The following DLG2 variants were observed in gnomAD, a reference collection of about 807,000 sequenced individuals.
DLG2 encodes the protein disks large homolog 2.
A neutral mutation model predicts 132.5 loss-of-function variants in DLG2; 45 were observed. The observed-to-expected ratio is 0.34, with a 90% CI of 0.27 to 0.44. DLG2 has a LOEUF of 0.44. DLG2 is among the 20% of genes least tolerant of loss of function. The pLI is 1.00. For missense variants in DLG2, 1,045 were observed against 1,196.9 expected (o/e 0.87, Z 1.87); for synonymous variants, 424 against 419.6 (o/e 1.01, Z -0.13).
At chr11:83,644,548 T>C (rs945942993) in intron 18 of DLG2, among the ~76,000 whole-genome samples, 10 of 152,120 alleles carry the variant, frequency 6.6e-5, no homozygotes, top group African/African-American at 2.4e-4. Context: ...ATGCTAAATG[T>C]GTTCCTATTT....
chr11:85,454,589 G>A (rs115929331), intron 3 of DLG2, among the ~76,000 whole-genome samples: 5,674 of 152,088 alleles, frequency 0.037, 323 homozygotes, highest in African/African-American at 0.13. Flanking sequence ...TGGCATCATT[G>A]TCATGAAATC....
intron 11 of DLG2, among the ~76,000 whole-genome samples, chr11:84,030,243 T>C (rs887572013): frequency 6.6e-6 from 1 of 152,156 alleles, no homozygotes; most frequent in African/African-American, 2.4e-5. Flanking sequence ...GACACTATTA[T>C]TACATTACTG....
intron 7 of DLG2, among the ~76,000 whole-genome samples, chr11:84,471,084 A>G (rs1292024478): frequency 7.2e-5 from 11 of 151,730 alleles, no homozygotes; most frequent in African/African-American, 2.7e-4. Context: ...CTCTTGGTCT[A>G]TTTCTCTTCA....
At chr11:85,289,235 A>G (rs1398691026) in intron 3 of DLG2, among the ~76,000 whole-genome samples, 1 of 152,086 alleles carries the variant, frequency 6.6e-6, no homozygotes, top group Non-Finnish European at 1.5e-5. Context: ...ATTGACATAT[A>G]TCCCCTTGTC....
At chr11:83,535,677 C>A (rs1406375166) in intron 20 of DLG2, among the ~76,000 whole-genome samples, 2 of 151,932 alleles carry the variant, frequency 1.3e-5, no homozygotes, top group Non-Finnish European at 2.9e-5. Context: ...AAAATTGAAG[C>A]CATATGGAGG....
At chr11:84,774,696 G>A (rs1044586810) in intron 6 of DLG2, among the ~76,000 whole-genome samples, 1 of 152,062 alleles carries the variant, frequency 6.6e-6, no homozygotes, top group African/African-American at 2.4e-5. Context: ...ATGGAGAGAG[G>A]ACTTTCTAGT....
chr11:84,829,697 C>T (rs1599100819), intron 6 of DLG2, among the ~76,000 whole-genome samples: 1 of 151,442 alleles, frequency 6.6e-6, no homozygotes, highest in Non-Finnish European at 1.5e-5. Flanking sequence ...TCAGAAGGGT[C>T]GAAGATAATG....
chr11:85,006,530 T>C (rs2058674898), intron 6 of DLG2, among the ~76,000 whole-genome samples: 1 of 152,188 alleles, frequency 6.6e-6, no homozygotes. Flanking sequence ...GTTTCTAGTA[T>C]TCTCTGATGG....
At chr11:85,531,676 C>T (rs1313531985) in intron 3 of DLG2, among the ~76,000 whole-genome samples, 1 of 152,106 alleles carries the variant, frequency 6.6e-6, no homozygotes, top group Admixed American at 6.5e-5. Flanking sequence ...GGCGTAGACA[C>T]CTGTGAAGGC....
chr11:84,270,178 C>T (rs1207792456), intron 7 of DLG2, among the ~76,000 whole-genome samples: 1 of 152,186 alleles, frequency 6.6e-6, no homozygotes, highest in Non-Finnish European at 1.5e-5. Flanking sequence ...TGTCCTTATG[C>T]CTCCAATGAT....
At chr11:83,922,412 T>A (rs1367164802) in intron 15 of DLG2, among the ~76,000 whole-genome samples, 1 of 152,106 alleles carries the variant, frequency 6.6e-6, no homozygotes, top group African/African-American at 2.4e-5. Flanking sequence ...AGTGACAGCG[T>A]TTGAAAAATA....
intron 3 of DLG2, among the ~76,000 whole-genome samples, chr11:85,541,400 A>G (rs1179531642): frequency 2.0e-5 from 3 of 151,804 alleles, no homozygotes; most frequent in Non-Finnish European, 4.4e-5. Context: ...CAATTTACTA[A>G]CTTTACAGGT....
intron 5 of DLG2, among the ~76,000 whole-genome samples, chr11:85,137,341 A>G (rs2076197761): frequency 6.6e-6 from 1 of 152,194 alleles, no homozygotes; most frequent in Non-Finnish European, 1.5e-5. Flanking sequence ...GGAAATAATT[A>G]TAATCCCTAT....
At chr11:84,447,092 T>C (rs2099037387) in intron 7 of DLG2, among the ~76,000 whole-genome samples, 1 of 151,724 alleles carries the variant, frequency 6.6e-6, no homozygotes, top group African/African-American at 2.4e-5. Flanking sequence ...AATCAACTAA[T>C]TAAAATGTTA....
At position 85,415,633 on chromosome 11, in the gene DLG2, T is replaced by C. The variant is rs1287902105; in HGVS notation, c.41-130268A>G. Among the ~76,000 whole-genome samples, 4 of 152,214 alleles carry C rather than the reference T, an allele frequency of 2.6e-5. 1 individual carries two copies. Among genetic ancestry groups the C allele is most frequent in the African/African-American group, 7.2e-5 (3 of 41,454 alleles). ...CAGTGTTGATGAGTTTTTTTTCATA[T>C]GTTTGCTGGCTGCTTAAATGTCTTC... On this transcript the variant is annotated intron_variant, in intron 3 of 27. Coordinates refer to ENST00000376104, the MANE Select transcript of DLG2 (RefSeq NM_001142699.3).
chr11:84,359,646 G>T (rs1265442405), intron 7 of DLG2, among the ~76,000 whole-genome samples: 1 of 151,796 alleles, frequency 6.6e-6, no homozygotes, highest in Non-Finnish European at 1.5e-5. Flanking sequence ...TCTTCCTAAA[G>T]AGATGTCAAA....
chr11:85,324,257 G>T (rs1207336587), intron 3 of DLG2, among the ~76,000 whole-genome samples: 1 of 151,956 alleles, frequency 6.6e-6, no homozygotes, highest in Non-Finnish European at 1.5e-5. Flanking sequence ...TTTTTTGGTG[G>T]AGTGATGCCA....
chr11:83,608,073 T>C (rs1010779357), intron 19 of DLG2, among the ~76,000 whole-genome samples: 3 of 152,212 alleles, frequency 2.0e-5, no homozygotes, highest in African/African-American at 4.8e-5. Flanking sequence ...ATGCTTTTAT[T>C]AAAATCCATT....
Position 84,795,694 on chromosome 11 carries a change from G to C in DLG2, c.358-260963C>G, listed in dbSNP as rs184491212. ...GTTGTGGACAATGAGAAGAAGAGAA[G>C]AGAGAAGGAGAGAAGAGCTCCAGCC... On this transcript the variant is annotated intron_variant, in intron 6 of 27. Transcript: ENST00000376104. Among the ~76,000 whole-genome samples the C allele has an allele frequency of 5.3e-4, 81 of 152,298 alleles. 1 individual carries two copies. Among genetic ancestry groups the C allele is most frequent in the African/African-American group, 1.8e-3 (75 of 41,554 alleles).
Sources: allele counts gnomAD v4.1 joint callset (sites outside exome capture counted in the v4.1 genomes callset), GRCh38; gene constraint gnomAD v4.1.1; transcripts MANE v1.5; gene names NCBI Gene and HGNC (gene_info 2026-07-23, HGNC 2026-07-21).